Variants in TRPM1 observed in about 807,000 individuals in gnomAD.
TRPM1 encodes TRPM1-203 APA Isoform, Intron 10.
Under a neutral mutation model 149.4 loss-of-function variants are expected in TRPM1, and 113 were observed. The ratio of observed to expected loss-of-function variants is 0.76; its 90% confidence interval spans 0.65 to 0.88. The LOEUF (loss-of-function observed/expected upper bound fraction) is 0.88. Among genes scored for constraint, TRPM1 ranks in the 40% least tolerant of loss-of-function variants. The pLI, the probability that TRPM1 is intolerant of heterozygous loss-of-function variation, is 0.00. For synonymous variants in TRPM1, 741 were observed against 759.5 expected (o/e 0.98, Z 0.40); for missense variants, 1,976 against 2,038.7 (o/e 0.97, Z 0.59).
intron 1 of TRPM1, among the ~76,000 whole-genome samples, chr15:31,127,725 G>C (rs1287783096): frequency 6.6e-6 from 1 of 152,150 alleles, no homozygotes; most frequent in East Asian, 1.9e-4. Context: ...AGAGGCGCTG[G>C]GTGGAAGGGG....
intron 1 of TRPM1, among the ~76,000 whole-genome samples, chr15:31,149,949 GTCTT>G (rs1949626101): frequency 6.6e-6 from 1 of 152,180 alleles, no homozygotes; most frequent in Non-Finnish European, 1.5e-5. Flanking sequence ...TTTCTTTTCT[GTCTT>G]TCTTTCTTAA....
chr15:31,063,085 A>G, intron 8 of TRPM1, 33 bp downstream of exon 8: 2 of 1,613,802 alleles, frequency 1.2e-6, no homozygotes, highest in South Asian at 2.2e-5. Context: ...GGGAGTTACG[A>G]ACCCGCCCTT....
rs185004499 is a variant in TRPM1, at chr15:31,149,741, G to A, written c.54+11165C>T. Reference sequence around the variant, plus strand: ...TCACCGTGTTAGCCAGGATGGTCTCGATCTCCTGACCTTGTGATCCGCCCG... The same window carrying A: ...TCACCGTGTTAGCCAGGATGGTCTCAATCTCCTGACCTTGTGATCCGCCCG... On this transcript the variant is annotated intron_variant, in intron 1 of 26. Transcript: ENST00000542188. 9.0e-3 allele frequency among the ~76,000 whole-genome samples: 1,368 copies of A among 152,084 alleles called. 17 individuals carry two copies. Among genetic ancestry groups the A allele is most frequent in the African/African-American group, 0.022 (916 of 41,524 alleles).
At chr15:31,052,177 G>C (rs73372445) in intron 11 of TRPM1, among the ~76,000 whole-genome samples, 3,194 of 152,284 alleles carry the variant, frequency 0.021, 107 homozygotes, top group African/African-American at 0.074. Flanking sequence ...AAAAATGGAA[G>C]CAAGTAACTC....
chr15:31,040,360 G>A lies in TRPM1; in HGVS notation c.2088-14C>T, dbSNP rs1348111030. ...TGGCCGAAGTCTCTGGGGGGAAAGA[G>A]AAGGGACCAGGGTGAAGCCACAGTG... On this transcript the variant is annotated splice_polypyrimidine_tract_variant and intron_variant, in intron 17 of 27. Transcript: ENST00000256552. The surrounding 1 kb of genome is among the most constrained non-coding windows in gnomAD (Gnocchi z 4.2). 1.2e-6 allele frequency: 2 copies of A among 1,612,450 alleles called. No individual in the cohort carries two copies. The highest frequency in any genetic ancestry group is 2.2e-5 in the South Asian group (2 of 91,054).
At chr15:31,155,748 T>C (rs2036364602) in intron 1 of TRPM1, among the ~76,000 whole-genome samples, 1 of 152,072 alleles carries the variant, frequency 6.6e-6, no homozygotes, top group Non-Finnish European at 1.5e-5. Context: ...AGGACTAAAC[T>C]CTGACCTTTT....
At chr15:31,087,231 A>ATTTTTTTTTTTTTTTTTTTT (rs58872566) in intron 1 of TRPM1, among the ~76,000 whole-genome samples, 1 of 59,402 alleles carries the variant, frequency 1.7e-5, no homozygotes, top group Non-Finnish European at 2.9e-5. Flanking sequence ...CTCAATAGGG[A>ATTTTTTTTTTTTTTTTTTTT]TTTTTTTTTT....
chr15:31,027,284 G>A (rs2032817292), intron 25 of TRPM1, among the ~76,000 whole-genome samples, 167 bp from the exon 26 acceptor site: 1 of 152,160 alleles, frequency 6.6e-6, no homozygotes, highest in African/African-American at 2.4e-5. Context: ...ATCCATCAAT[G>A]TGGATTATCT....
Position 31,002,407 on chromosome 15 carries a change from GC to G in TRPM1, c.4292del (p.Gly1431AlafsTer27), listed in dbSNP as rs1405887178. On this transcript the variant is annotated frameshift_variant, in exon 28 of 28. Transcript: ENST00000256552. LOFTEE classifies it low-confidence loss of function (END_TRUNC). ...QLTVETTNIE[G>X]TISYPLEETK... ...TTTCTTCCAGGGGATAGGAAATAGT[GC>G]CTTCTATATTTGTCGTTTCCACTGT... 3.7e-6 allele frequency: 6 copies of G among 1,614,186 alleles called. No individual in the cohort carries two copies. The Admixed American group carries it at 8.3e-5, about 22-fold the overall frequency.
intron 18 of TRPM1, among the ~76,000 whole-genome samples, chr15:31,039,150 A>T (rs28449259): frequency 0.12 from 17,885 of 152,006 alleles, 1,156 homozygotes; most frequent in African/African-American, 0.15. Context: ...CCAGGCTCCA[A>T]ATGCCTTCCC....
intron 19 of TRPM1, 33 bp from the exon 20 acceptor site, chr15:31,037,875 G>A: frequency 3.1e-6 from 5 of 1,613,986 alleles, no homozygotes; most frequent in Non-Finnish European, 3.4e-6. Flanking sequence ...TGACAGGCAG[G>A]TGGCTAAATG....
At chr15:31,033,779 T>G (rs1416535003) in intron 21 of TRPM1, among the ~76,000 whole-genome samples, 1 of 152,098 alleles carries the variant, frequency 6.6e-6, no homozygotes, top group Non-Finnish European at 1.5e-5. Flanking sequence ...TCTCGGTGTA[T>G]GGTGGACCCT....
chr15:31,115,287 T>TA (rs1014096110), intron 1 of TRPM1, among the ~76,000 whole-genome samples: 2 of 151,840 alleles, frequency 1.3e-5, no homozygotes, highest in African/African-American at 4.8e-5. Context: ...AAGTAAAAAG[T>TA]AAAATAAAAC....
chr15:31,032,719 C>A lies in TRPM1; in HGVS notation c.2922G>T (p.Leu974=). Residue 974 remains leucine (L), a synonymous_variant, in exon 22 of 28, where the codon CTG becomes CTT. Transcript: ENST00000256552. ...VLDIFGVNKY[L]GPYVMMIGKM... ...TTCCAATCATCATCACGTATGGCCC[C>A]AGATACTTGTTGACACCAAAGATGT... The A allele has an allele frequency of 1.9e-6, 3 of 1,614,204 alleles. No homozygotes were observed. The highest frequency in any genetic ancestry group is 2.5e-6 in the Non-Finnish European group (3 of 1,180,040).
At chr15:31,051,614 T>G (rs2033950418) in intron 11 of TRPM1, among the ~76,000 whole-genome samples, 1 of 152,232 alleles carries the variant, frequency 6.6e-6, no homozygotes, top group Non-Finnish European at 1.5e-5. Context: ...TCAGTGCAGC[T>G]TTAAATGTCA....
chr15:31,075,497 C>T (rs912534329), intron 3 of TRPM1, among the ~76,000 whole-genome samples: 5 of 152,206 alleles, frequency 3.3e-5, no homozygotes, highest in African/African-American at 9.7e-5. Context: ...CTCTCACTTT[C>T]TGTGGTTGCT....
At chr15:31,123,379 T>C (rs1315984414) in intron 1 of TRPM1, among the ~76,000 whole-genome samples, 2 of 152,176 alleles carry the variant, frequency 1.3e-5, no homozygotes, top group East Asian at 1.9e-4. Context: ...GACATGGCTA[T>C]GTACATTTAA....
intron 1 of TRPM1, among the ~76,000 whole-genome samples, chr15:31,133,527 C>T (rs1444250174): frequency 6.6e-6 from 1 of 152,154 alleles, no homozygotes; most frequent in Admixed American, 6.5e-5. Flanking sequence ...GAAACCCCGT[C>T]TCTACAAAAA....
chr15:31,106,296 G>A (rs765769554), upstream of TRPM1, among the ~76,000 whole-genome samples: 71 of 147,618 alleles, frequency 4.8e-4, 1 homozygote, highest in Admixed American at 2.0e-3. Context: ...GTGCCACCAT[G>A]CCTGGCTAAT....
Sources: allele counts gnomAD v4.1 joint callset (sites outside exome capture counted in the v4.1 genomes callset), GRCh38; gene constraint gnomAD v4.1.1; non-coding constraint Gnocchi (gnomAD v3.1); transcripts MANE v1.5; gene names NCBI Gene and HGNC (gene_info 2026-07-23, HGNC 2026-07-21).